FBXO25: variants seen among roughly 807,000 people sequenced by gnomAD.
The protein encoded by FBXO25 is F-box only protein 25.
Under a neutral mutation model 51.9 loss-of-function variants are expected in FBXO25, and 45 were observed. That is an observed-to-expected ratio of 0.87 (90% CI 0.68 to 1.11). The LOEUF is 1.11. Ranked by LOEUF, FBXO25 falls within the 50% of genes most tolerant of loss-of-function variation. The pLI, the probability that FBXO25 is intolerant of heterozygous loss-of-function variation, is 0.00. For synonymous variants in FBXO25, 199 were observed against 151.0 expected (o/e 1.32, Z -2.33); for missense variants, 507 against 428.5 (o/e 1.18, Z -1.62).
chr8:455,873 G>C (rs1221087048), intron 7 of FBXO25, among the ~76,000 whole-genome samples: 1 of 152,216 alleles, frequency 6.6e-6, no homozygotes, highest in African/African-American at 2.4e-5. Flanking sequence ...ATTTCGTTTG[G>C]ATGAGAAGTG....
chr8:467,897 C>G (rs1021402869), intron 9 of FBXO25: 2 of 1,508,198 alleles, frequency 1.3e-6, no homozygotes, highest in African/African-American at 2.8e-5. Context: ...GCTGAGTGGC[C>G]ACTTTGATCA....
chr8:464,199 A>G (rs6999320), intron 9 of FBXO25, among the ~76,000 whole-genome samples: 3,049 of 152,286 alleles, frequency 0.02, 107 homozygotes, highest in African/African-American at 0.068. Context: ...AGCAATATCT[A>G]TGTGCCCCAG....
intron 9 of FBXO25, 79 bp from the exon 10 acceptor site, chr8:468,636 C>T (rs1430265704): frequency 6.4e-6 from 7 of 1,087,132 alleles, no homozygotes; most frequent in Admixed American, 1.9e-5. Flanking sequence ...CAACAAGCAG[C>T]TGACGACCCC....
intron 2 of FBXO25, among the ~76,000 whole-genome samples, chr8:414,811 G>A (rs1318659080): frequency 6.6e-6 from 1 of 152,192 alleles, no homozygotes; most frequent in African/African-American, 2.4e-5. Flanking sequence ...CACAGTGAGC[G>A]AGAACTAGTC....
intron 5 of FBXO25, among the ~76,000 whole-genome samples, chr8:439,406 A>G (rs563081222): frequency 2.1e-4 from 32 of 152,350 alleles, no homozygotes; most frequent in African/African-American, 7.2e-4. Context: ...TTCCTAAAGT[A>G]CACACATCTG....
chr8:439,752 C>A (rs1352911829), intron 5 of FBXO25, among the ~76,000 whole-genome samples: 1 of 152,200 alleles, frequency 6.6e-6, no homozygotes, highest in Non-Finnish European at 1.5e-5. Flanking sequence ...TCCTGCTTCT[C>A]AGTATCCCAA....
intron 5 of FBXO25, among the ~76,000 whole-genome samples, chr8:446,454 A>G (rs184357781): frequency 0.033 from 5,095 of 152,286 alleles, 298 homozygotes; most frequent in African/African-American, 0.12. Flanking sequence ...GCTTCATCTC[A>G]GTCTAGGATT....
At chr8:429,656 A>G (rs1797700451) in intron 2 of FBXO25, among the ~76,000 whole-genome samples, 1 of 152,214 alleles carries the variant, frequency 6.6e-6, no homozygotes, top group African/African-American at 2.4e-5. Context: ...CCACAACCAA[A>G]AAGTAATGGC....
intron 9 of FBXO25, among the ~76,000 whole-genome samples, chr8:465,438 G>A (rs1800093820): frequency 6.6e-6 from 1 of 152,152 alleles, no homozygotes; most frequent in Admixed American, 6.5e-5. Flanking sequence ...TCATAGAAGG[G>A]ATAGAAGGCT....
chr8:419,719 C>T (rs1388401302), intron 2 of FBXO25, among the ~76,000 whole-genome samples: 1 of 152,018 alleles, frequency 6.6e-6, no homozygotes, highest in Admixed American at 6.6e-5. Context: ...ATGGAAGAAA[C>T]CCAAAGGAAA....
intron 1 of FBXO25, among the ~76,000 whole-genome samples, chr8:408,441 A>G (rs1796296796): frequency 6.6e-6 from 1 of 152,222 alleles, no homozygotes; most frequent in Non-Finnish European, 1.5e-5. Context: ...GTGAGACTCC[A>G]TCATTTTGAA....
At chr8:442,528 G>A (rs752563951) in intron 5 of FBXO25, among the ~76,000 whole-genome samples, 1 of 152,006 alleles carries the variant, frequency 6.6e-6, no homozygotes, top group African/African-American at 2.4e-5. Flanking sequence ...GGAGTGCAGT[G>A]GCATAATCTT....
intron 7 of FBXO25, among the ~76,000 whole-genome samples, chr8:454,909 A>AAAAAAAAG (rs1799328125): frequency 7.1e-6 from 1 of 141,224 alleles, no homozygotes; most frequent in Non-Finnish European, 1.5e-5. Flanking sequence ...AAAAAGAAAA[A>AAAAAAAAG]GAAAACAAAG....
chr8:409,772 A>T (rs991150599), intron 1 of FBXO25, among the ~76,000 whole-genome samples: 1 of 152,156 alleles, frequency 6.6e-6, no homozygotes, highest in East Asian at 1.9e-4. Context: ...TTTTCATTTG[A>T]TCTATCCTAC....
Position 431,345 on chromosome 8 carries a change from T to G in FBXO25, c.139T>G (p.Leu47Val). The change falls in exon 3 of 10, where the codon TTA (leucine) becomes GTA (valine). Residue 47 changes from leucine to valine, a missense_variant. Physicochemically the swap from Leu to Val is conservative, Grantham distance 32. Transcript: ENST00000350302. ...TAGAATGTGTCTTTATTTCAGTATCTTAAATAGTGAAGATGGAGAAATATT... is the reference window on the plus strand; with the variant it reads ...TAGAATGTGTCTTTATTTCAGTATCGTAAATAGTGAAGATGGAGAAATATT... ...NRCNISHSII[L>V]NSEDGEIFNN... 6.8e-7 allele frequency: 1 copy of G among 1,465,850 alleles called. No individual in the cohort carries two copies. Among genetic ancestry groups the G allele is most frequent in the Non-Finnish European group, 9.3e-7 (1 of 1,076,710 alleles). 90.8% of individuals were successfully genotyped at this position (1,465,850 alleles called of 1,614,324 possible). A position where few individuals can be genotyped will look rare whatever the true frequency, so the allele number is the denominator to read the frequency against.
At chr8:424,718 G>A (rs181566865) in intron 2 of FBXO25, among the ~76,000 whole-genome samples, 1 of 152,142 alleles carries the variant, frequency 6.6e-6, no homozygotes, top group East Asian at 1.9e-4. Context: ...TCATTGGTCT[G>A]TGAGTCTGTT....
intron 2 of FBXO25, among the ~76,000 whole-genome samples, chr8:427,424 C>T (rs1357369250): frequency 2.0e-5 from 3 of 150,896 alleles, no homozygotes; most frequent in Non-Finnish European, 4.4e-5. Context: ...TGCATTTATG[C>T]GAGATTTTTT....
chr8:449,997 A>T lies in FBXO25; in HGVS notation c.389A>T (p.Gln130Leu). Residue 130 changes from glutamine to leucine, a missense_variant, in exon 6 of 10, where the codon CAG becomes CTG. Physicochemically the swap from Gln to Leu is moderately radical, Grantham distance 113. Coordinates refer to ENST00000350302, the MANE Select transcript of FBXO25 (RefSeq NM_183420.2). ...RRFNYVVKLL[Q>L]LIAKSQLTSL... ...TTCCGTCTTTCCTTTAAGCTGTTGC[A>T]GCTAATTGCAAAATCCCAGTTAACT... 6.2e-7 allele frequency: 1 copy of T among 1,609,688 alleles called. No individual in the cohort carries two copies. Among genetic ancestry groups the T allele is most frequent in the Non-Finnish European group, 8.5e-7 (1 of 1,177,872 alleles).
At chr8:446,400 A>G (rs1026927480) in intron 5 of FBXO25, among the ~76,000 whole-genome samples, 7 of 152,192 alleles carry the variant, frequency 4.6e-5, no homozygotes, top group Admixed American at 6.5e-5. Context: ...CAAGAAGCCT[A>G]TCTGGGGAGG....
Sources: allele counts gnomAD v4.1 joint callset (sites outside exome capture counted in the v4.1 genomes callset), GRCh38; gene constraint gnomAD v4.1.1; transcripts MANE v1.5; gene names NCBI Gene and HGNC (gene_info 2026-07-23, HGNC 2026-07-21).